Variants in GPR39 observed in about 807,000 individuals in gnomAD.
GPR39 encodes G protein-coupled receptor 39, also known as zinc sensing receptor.
A neutral mutation model predicts 18.4 loss-of-function variants in GPR39; 23 were observed. The observed-to-expected ratio is 1.25, with a 90% confidence interval of 0.90 to 1.77. The LOEUF (loss-of-function observed/expected upper bound fraction) is 1.77, where lower values mean the gene tolerates loss of function less well. GPR39 is among the 40% of genes most tolerant of loss of function. GPR39 has a pLI of 0.00. For synonymous variants in GPR39, 280 were observed against 257.9 expected, an observed-to-expected ratio of 1.09 and a Z score of -0.82; for missense variants, 647 against 602.4, an observed-to-expected ratio of 1.07 and a Z score of -0.78.
intron 1 of GPR39, among the ~76,000 whole-genome samples, chr2:132,545,479 TTCTA>T (rs1382688780): frequency 2.6e-5 from 4 of 152,216 alleles, no homozygotes; most frequent in Non-Finnish European, 5.9e-5. Flanking sequence ...GATTTAGTCA[TTCTA>T]GTCTTCAGAT....
intron 1 of GPR39, among the ~76,000 whole-genome samples, chr2:132,481,946 T>G (rs1681243513): frequency 1.3e-5 from 2 of 152,192 alleles, no homozygotes; most frequent in African/African-American, 4.8e-5. Context: ...GTACCTTATT[T>G]AAACCCATGA....
intron 1 of GPR39, among the ~76,000 whole-genome samples, chr2:132,538,832 G>A (rs572280631): frequency 1.3e-5 from 2 of 152,332 alleles, no homozygotes; most frequent in South Asian, 4.1e-4. Flanking sequence ...ATTCTGCTCA[G>A]TCCAAACCTC....
intron 1 of GPR39, among the ~76,000 whole-genome samples, chr2:132,627,266 A>C (rs1681566695): frequency 6.6e-6 from 1 of 152,182 alleles, no homozygotes; most frequent in Non-Finnish European, 1.5e-5. Context: ...ATTGTCAGGG[A>C]CAATGGCTCC....
intron 1 of GPR39, among the ~76,000 whole-genome samples, chr2:132,450,587 C>A (rs1315451722): frequency 6.6e-6 from 1 of 152,222 alleles, no homozygotes; most frequent in Non-Finnish European, 1.5e-5. Flanking sequence ...CTGTTTATTC[C>A]TTTCTTTCCT....
chr2:132,543,895 T>G (rs1490523191), intron 1 of GPR39, among the ~76,000 whole-genome samples: 1 of 152,156 alleles, frequency 6.6e-6, no homozygotes, highest in Non-Finnish European at 1.5e-5. Context: ...AAGCAAGGGC[T>G]TTTCAAGGCA....
At chr2:132,560,018 T>C (rs564504968) in intron 1 of GPR39, among the ~76,000 whole-genome samples, 3 of 152,220 alleles carry the variant, frequency 2.0e-5, no homozygotes, top group African/African-American at 7.2e-5. Flanking sequence ...CCTGGCACAC[T>C]TCAGCTGTAC....
At chr2:132,451,978 C>G (rs947568084) in intron 1 of GPR39, among the ~76,000 whole-genome samples, 4 of 152,086 alleles carry the variant, frequency 2.6e-5, no homozygotes, top group Non-Finnish European at 4.4e-5. Context: ...CAAGACATAA[C>G]AAAATGTCTT....
intron 1 of GPR39, among the ~76,000 whole-genome samples, chr2:132,564,810 CTTTT>C (rs948881403): frequency 1.5e-4 from 14 of 95,438 alleles, no homozygotes; most frequent in South Asian, 4.4e-4. Flanking sequence ...TTTCTTTTTT[CTTTT>C]TTTTTTTTTT....
chr2:132,523,261 C>G (rs191973397), intron 1 of GPR39, among the ~76,000 whole-genome samples: 263 of 152,270 alleles, frequency 1.7e-3, no homozygotes, highest in African/African-American at 6.1e-3. Context: ...ATAAAAAAGA[C>G]CATCTTTTGT....
intron 1 of GPR39, among the ~76,000 whole-genome samples, chr2:132,513,549 AG>A (rs541218987): frequency 0.024 from 3,681 of 152,268 alleles, 143 homozygotes; most frequent in African/African-American, 0.083. Context: ...CAGCTTGGGA[AG>A]TCTGTCTACT....
intron 1 of GPR39, among the ~76,000 whole-genome samples, chr2:132,503,797 G>T (rs1193816276): frequency 1.3e-5 from 2 of 152,150 alleles, no homozygotes; most frequent in African/African-American, 4.8e-5. Flanking sequence ...ATGGGGGTGT[G>T]GTTCCCATTC....
At chr2:132,450,519 AG>A (rs1256786367) in intron 1 of GPR39, among the ~76,000 whole-genome samples, 2 of 152,258 alleles carry the variant, frequency 1.3e-5, no homozygotes, top group African/African-American at 4.8e-5. Flanking sequence ...AAAGTTCATC[AG>A]GAAAGCACAT....
At chr2:132,533,346 G>C (rs1679677939) in intron 1 of GPR39, among the ~76,000 whole-genome samples, 1 of 150,132 alleles carries the variant, frequency 6.7e-6, no homozygotes, top group Non-Finnish European at 1.5e-5. Flanking sequence ...AAATAAAAGA[G>C]GATACAAACA....
intron 1 of GPR39, among the ~76,000 whole-genome samples, chr2:132,445,244 T>C (rs1680513771): frequency 2.0e-5 from 3 of 152,242 alleles, no homozygotes; most frequent in Admixed American, 2.0e-4. Context: ...TGTATATTTT[T>C]CTATGTTCCC....
intron 1 of GPR39, among the ~76,000 whole-genome samples, chr2:132,620,671 C>G (rs1420395792): frequency 6.6e-6 from 1 of 152,198 alleles, no homozygotes; most frequent in African/African-American, 2.4e-5. Context: ...CAGACACTTC[C>G]CCTCGCCTCT....
intron 1 of GPR39, among the ~76,000 whole-genome samples, chr2:132,579,752 G>A (rs1258510650): frequency 6.6e-6 from 1 of 151,994 alleles, no homozygotes; most frequent in Non-Finnish European, 1.5e-5. Flanking sequence ...GCAAACAAAT[G>A]TCTTTTGGAG....
chr2:132,555,384 C>T (rs1477098362), intron 1 of GPR39, among the ~76,000 whole-genome samples: 3 of 152,120 alleles, frequency 2.0e-5, no homozygotes, highest in Admixed American at 6.5e-5. Flanking sequence ...CAGGGTCTTT[C>T]GTGAGGTTGC....
At chr2:132,610,777 C>CAAAAAAAAAA (rs34611787) in intron 1 of GPR39, among the ~76,000 whole-genome samples, 17 of 88,722 alleles carry the variant, frequency 1.9e-4, no homozygotes, top group African/African-American at 6.8e-4. Flanking sequence ...ACTCTGTCTC[C>CAAAAAAAAAA]AAAAAAAAAA....
chr2:132,504,958 C>T (rs748531865), intron 1 of GPR39, among the ~76,000 whole-genome samples: 4 of 152,180 alleles, frequency 2.6e-5, no homozygotes, highest in African/African-American at 4.8e-5. Flanking sequence ...GAAATCTGTT[C>T]ACAGTTGGTG....
Sources: allele counts gnomAD v4.1 joint callset (sites outside exome capture counted in the v4.1 genomes callset), GRCh38; gene constraint gnomAD v4.1.1; transcripts MANE v1.5; gene names NCBI Gene and HGNC (gene_info 2026-07-23, HGNC 2026-07-21).